ZFHX3: variants seen among roughly 807,000 people sequenced by gnomAD.
The protein encoded by ZFHX3 is zinc finger homeobox protein 3.
Under a neutral mutation model 279.1 loss-of-function variants are expected in ZFHX3, and 42 were observed. The observed-to-expected ratio is 0.15, with a 90% CI of 0.12 to 0.19. The LOEUF is 0.19. Ranked by LOEUF, ZFHX3 falls within the 10% of genes least tolerant of loss-of-function variation. The pLI, the probability that ZFHX3 is intolerant of heterozygous loss-of-function variation, is 1.00. For synonymous variants in ZFHX3, 2,293 were observed against 1,957.8 expected (o/e 1.17, Z -4.52); for missense variants, 4,981 against 4,754.0 (o/e 1.05, Z -1.40).
At chr16:72,947,617 A>G (rs1369790246) in intron 3 of ZFHX3, among the ~76,000 whole-genome samples, 3 of 152,112 alleles carry the variant, frequency 2.0e-5, no homozygotes, top group Non-Finnish European at 2.9e-5. Context: ...GAAGCCACAT[A>G]CATCACTGCC....
chr16:73,346,070 C>T (rs549769530), intron 3 of ZFHX3, among the ~76,000 whole-genome samples: 2 of 152,254 alleles, frequency 1.3e-5, no homozygotes, highest in South Asian at 2.1e-4. Flanking sequence ...TGGGTTATTT[C>T]CCCCAAGGCT....
intron 1 of ZFHX3, among the ~76,000 whole-genome samples, chr16:73,730,346 C>G (rs1199413720): frequency 7.7e-6 from 1 of 129,846 alleles, no homozygotes. Context: ...TAACACCCTC[C>G]CCTCGCAAAA....
intron 3 of ZFHX3, among the ~76,000 whole-genome samples, chr16:72,896,765 A>C (rs1313543148): frequency 6.6e-6 from 1 of 152,226 alleles, no homozygotes; most frequent in Non-Finnish European, 1.5e-5. Context: ...CAACGATAGG[A>C]AACTTCTAAC....
chr16:73,275,121 T>A (rs2014258179), intron 4 of ZFHX3, among the ~76,000 whole-genome samples: 1 of 152,200 alleles, frequency 6.6e-6, no homozygotes, highest in Non-Finnish European at 1.5e-5. Context: ...AGGTTGCCAT[T>A]TCCTGTTTCG....
At chr16:73,320,386 A>G (rs2015552050) in intron 3 of ZFHX3, among the ~76,000 whole-genome samples, 1 of 152,114 alleles carries the variant, frequency 6.6e-6, no homozygotes, top group Non-Finnish European at 1.5e-5. Context: ...TAAATAAAAT[A>G]CTCTAATAAC....
At chr16:73,381,204 G>C (rs989438484) in intron 3 of ZFHX3, among the ~76,000 whole-genome samples, 1 of 151,996 alleles carries the variant, frequency 6.6e-6, no homozygotes, top group Non-Finnish European at 1.5e-5. Context: ...CAGATAGAAA[G>C]ACTTAATATT....
intron 2 of ZFHX3, among the ~76,000 whole-genome samples, chr16:73,567,126 G>C (rs368570574): frequency 3.9e-5 from 6 of 152,250 alleles, no homozygotes; most frequent in African/African-American, 1.4e-4. Flanking sequence ...TGGGATTACC[G>C]ATGGGTCCCT....
chr16:73,562,322 G>T (rs1052732263), intron 2 of ZFHX3, among the ~76,000 whole-genome samples: 1 of 152,132 alleles, frequency 6.6e-6, no homozygotes, highest in African/African-American at 2.4e-5. Context: ...GAGGCCGGGC[G>T]CGGTGGCTCA....
intron 3 of ZFHX3, among the ~76,000 whole-genome samples, chr16:73,372,299 T>A (rs898120591): frequency 2.0e-5 from 3 of 152,184 alleles, no homozygotes; most frequent in Non-Finnish European, 1.5e-5. Flanking sequence ...GGTTTTTTTT[T>A]AAGGGCAATA....
intron 7 of ZFHX3, among the ~76,000 whole-genome samples, chr16:72,810,214 C>T (rs1377782916): frequency 6.7e-6 from 1 of 149,158 alleles, no homozygotes; most frequent in Non-Finnish European, 1.5e-5. Context: ...GAGATGGAGT[C>T]CTGCTGTGTC....
chr16:73,352,702 A>G (rs1410649407), intron 3 of ZFHX3, among the ~76,000 whole-genome samples: 2 of 151,980 alleles, frequency 1.3e-5, no homozygotes, highest in African/African-American at 4.8e-5. Flanking sequence ...CCAGGCTTCA[A>G]TACTCATCAA....
chr16:72,797,272 T>C lies in ZFHX3; in HGVS notation c.5410A>G (p.Ser1804Gly), dbSNP rs1446616498. 2 of 1,611,558 alleles carry C rather than the reference T, an allele frequency of 1.2e-6. No homozygotes were observed. The highest frequency in any genetic ancestry group is 2.7e-5 in the African/African-American group (2 of 74,798). The change falls in exon 9 of 10, where the codon AGT becomes GGT. Residue 1804 changes from serine (S) to glycine (G), a missense_variant. By Grantham distance (56) the Ser-to-Gly change is moderately conservative. Around this residue, in one of 7 missense-constraint regions of ZFHX3, gnomAD observed 1,751 missense variants for 1,770.0 expected, o/e 0.99. Transcript: ENST00000268489. ...TCGGGGTTAAGCTGGAACTCAGCAC[T>C]GGGGATGTAGAAAGGGAAGAGGAGG... is the stretch of plus-strand genomic sequence containing the variant. ...QHLLFPFYIP[S>G]AEFQLNPEVS...
chr16:73,801,861 A>G (rs1960155620), intron 1 of ZFHX3, among the ~76,000 whole-genome samples: 1 of 152,176 alleles, frequency 6.6e-6, no homozygotes, highest in Admixed American at 6.5e-5. Context: ...TGTTCATTTT[A>G]CTTTCTCTGC....
chr16:73,727,163 C>T (rs1228281333), intron 1 of ZFHX3, among the ~76,000 whole-genome samples: 1 of 152,166 alleles, frequency 6.6e-6, no homozygotes, highest in Non-Finnish European at 1.5e-5. Context: ...GATGCAGTGG[C>T]CAGACCAACA....
rs775315929 is a variant in ZFHX3 at position 72,787,709 on chromosome 16, C to T, written c.10567G>A (p.Gly3523Ser). The T allele has an allele frequency of 1.4e-6, 2 of 1,398,788 alleles. No homozygotes were observed. Among genetic ancestry groups the T allele is most frequent in the Non-Finnish European group, 9.4e-7 (1 of 1,068,566 alleles). The allele number at this position is 1,398,788 out of a possible 1,614,324, so 86.6% of individuals were successfully genotyped here. Residue 3523 changes from glycine to serine, a missense_variant, in exon 10 of 10, where the codon GGC becomes AGC. Coordinates refer to ENST00000268489, the MANE Select transcript of ZFHX3 (RefSeq NM_006885.4). ...CAGTGGTACGAGCCGCCGCCGCCGC[C>T]GCCGCCGCCACCGCCGCCGCCGCCG... ...SGGGGGGGGG[G>S]GGGGSYHCLA...
chr16:73,618,525 T>A (rs1025140909), intron 2 of ZFHX3, among the ~76,000 whole-genome samples: 2 of 152,192 alleles, frequency 1.3e-5, no homozygotes, highest in Non-Finnish European at 2.9e-5. Flanking sequence ...ATGACAAGGT[T>A]GATATTCAAA....
At chr16:73,755,292 G>GTA (rs2053798297) in intron 1 of ZFHX3, among the ~76,000 whole-genome samples, 1 of 151,946 alleles carries the variant, frequency 6.6e-6, no homozygotes, top group Non-Finnish European at 1.5e-5. Flanking sequence ...TGGATATAAC[G>GTA]ACATATATAA....
At chr16:73,088,358 A>G (rs7500675) in intron 8 of ZFHX3, among the ~76,000 whole-genome samples, 141,289 of 151,902 alleles carry the variant, frequency 0.93, 65,774 homozygotes, top group East Asian at 1. Flanking sequence ...TCACCGTGTT[A>G]CCCCAGCTGG....
chr16:73,399,033 A>ATTTTTTTTTTTTT (rs531100796), intron 3 of ZFHX3, among the ~76,000 whole-genome samples: 1 of 139,556 alleles, frequency 7.2e-6, no homozygotes. Flanking sequence ...CCCCCCGCTA[A>ATTTTTTTTTTTTT]TTTTTTTTTT....
Sources: gnomAD v4.1 joint callset for allele counts (sites outside exome capture counted in the v4.1 genomes callset) on GRCh38, gnomAD v4.1.1 for gene constraint, gnomAD v4.1.1 regional missense constraint, MANE v1.5 for transcripts, NCBI Gene and HGNC (gene_info 2026-07-23, HGNC 2026-07-21) for gene names.